RPS6KC1: variants seen among roughly 807,000 people sequenced by gnomAD.
The protein encoded by RPS6KC1 is inactive ribosomal protein S6 kinase delta-1.
In RPS6KC1, 54 loss-of-function variants were observed where a neutral mutation model predicts 103.8. The observed-to-expected ratio is 0.52, with a 90% CI of 0.42 to 0.65. The LOEUF (loss-of-function observed/expected upper bound fraction) is 0.65, where lower values mean the gene tolerates loss of function less well. Among genes scored for constraint, RPS6KC1 ranks in the 30% least tolerant of loss-of-function variants. RPS6KC1 has a pLI of 0.00. For synonymous variants in RPS6KC1, 439 were observed against 438.7 expected (o/e 1.00, Z -0.01); for missense variants, 1,151 against 1,253.8 (o/e 0.92, Z 1.24).
At chr1:213,053,834 G>T (rs113077155) in intron 1 of RPS6KC1, among the ~76,000 whole-genome samples, 1,587 of 151,076 alleles carry the variant, frequency 0.011, 31 homozygotes, top group African/African-American at 0.036. Flanking sequence ...ACCAAATTCA[G>T]AATTTTTTTT....
At chr1:213,290,144 C>CAAA in the RPS6KC1 span, among the ~76,000 whole-genome samples, 1,298 of 69,072 alleles carry the variant, frequency 0.019, 86 homozygotes, top group East Asian at 0.11. Context: ...GACTCCGTCT[C>CAAA]AAAAAAAAAA....
the RPS6KC1 span, among the ~76,000 whole-genome samples, chr1:213,311,936 C>G: frequency 2.8e-5 from 4 of 144,182 alleles, no homozygotes; most frequent in African/African-American, 1.0e-4. Flanking sequence ...CTTGCTCTGT[C>G]ACCCAGGCTG....
chr1:213,315,293 C>G, the RPS6KC1 span, among the ~76,000 whole-genome samples: 5 of 152,188 alleles, frequency 3.3e-5, no homozygotes, highest in Non-Finnish European at 7.3e-5. Context: ...GTTTCCCTTC[C>G]CTCTCTGTCC....
At chr1:213,158,098 GT>G (rs35438135) in intron 6 of RPS6KC1, among the ~76,000 whole-genome samples, 3 of 151,184 alleles carry the variant, frequency 2.0e-5, no homozygotes, top group African/African-American at 4.9e-5. Context: ...ATCCTGTATA[GT>G]TTTTTTTTAA....
At chr1:213,401,147 A>G in the RPS6KC1 span, among the ~76,000 whole-genome samples, 2 of 152,084 alleles carry the variant, frequency 1.3e-5, no homozygotes, top group Non-Finnish European at 2.9e-5. Flanking sequence ...CTTCTTGGCT[A>G]TCTTTTTTGG....
chr1:213,198,092 G>A (rs547650094), intron 8 of RPS6KC1, among the ~76,000 whole-genome samples: 1 of 152,136 alleles, frequency 6.6e-6, no homozygotes, highest in Admixed American at 6.5e-5. Flanking sequence ...GGTGTATTTC[G>A]ATGTTTTGTT....
At chr1:213,098,923 C>T (rs1488974837) in intron 3 of RPS6KC1, among the ~76,000 whole-genome samples, 6 of 152,054 alleles carry the variant, frequency 3.9e-5, no homozygotes, top group Non-Finnish European at 7.4e-5. Context: ...CACTGTAAAC[C>T]TCGGGAAAAA....
chr1:213,474,056 T>A, the RPS6KC1 span, among the ~76,000 whole-genome samples: 1 of 152,186 alleles, frequency 6.6e-6, no homozygotes, highest in Admixed American at 6.5e-5. Flanking sequence ...CCCAGCTGCT[T>A]CTCCAAAGCT....
chr1:213,186,576 C>T (rs2092541389), intron 8 of RPS6KC1, among the ~76,000 whole-genome samples: 1 of 152,038 alleles, frequency 6.6e-6, no homozygotes, highest in Non-Finnish European at 1.5e-5. Context: ...TGGGTTGAAC[C>T]TATTTTGTGT....
chr1:213,693,394 T>C, the RPS6KC1 span, among the ~76,000 whole-genome samples: 2 of 152,236 alleles, frequency 1.3e-5, no homozygotes, highest in Non-Finnish European at 2.9e-5. Context: ...CCATTTCTTG[T>C]CTGCCCACCC....
the RPS6KC1 span, among the ~76,000 whole-genome samples, chr1:213,473,216 A>G: frequency 1.3e-5 from 2 of 152,248 alleles, no homozygotes; most frequent in Non-Finnish European, 2.9e-5. Flanking sequence ...GCAAAAGCCA[A>G]CACCAATCAA....
At chr1:213,639,144 G>T in the RPS6KC1 span, among the ~76,000 whole-genome samples, 1 of 152,054 alleles carries the variant, frequency 6.6e-6, no homozygotes, top group Non-Finnish European at 1.5e-5. Flanking sequence ...GTTTCCAATT[G>T]TATGTTGTTA....
chr1:213,210,097 G>A (rs1341509605), intron 8 of RPS6KC1, among the ~76,000 whole-genome samples: 1 of 152,100 alleles, frequency 6.6e-6, no homozygotes, highest in Non-Finnish European at 1.5e-5. Context: ...TCTGTGACCT[G>A]TATGTTGTAC....
At chr1:213,193,261 CT>C (rs1413937052) in intron 8 of RPS6KC1, among the ~76,000 whole-genome samples, 1 of 151,864 alleles carries the variant, frequency 6.6e-6, no homozygotes, top group Non-Finnish European at 1.5e-5. Flanking sequence ...TTTTGATTTT[CT>C]TTTTTCTTTT....
the RPS6KC1 span, among the ~76,000 whole-genome samples, chr1:213,761,936 T>C: frequency 6.9e-6 from 1 of 143,908 alleles, no homozygotes; most frequent in East Asian, 1.9e-4. Flanking sequence ...TCTATTCAGA[T>C]ATATCTAGAT....
the RPS6KC1 span, among the ~76,000 whole-genome samples, chr1:213,688,267 T>C: frequency 6.6e-6 from 1 of 152,202 alleles, no homozygotes; most frequent in Non-Finnish European, 1.5e-5. Context: ...CAATTCAAGG[T>C]CACCTCTAGT....
intron 8 of RPS6KC1, among the ~76,000 whole-genome samples, chr1:213,221,680 T>A (rs1253682749): frequency 6.6e-6 from 1 of 152,228 alleles, no homozygotes; most frequent in Non-Finnish European, 1.5e-5. Flanking sequence ...ATAGAAGTAT[T>A]TATTTACCAG....
At chr1:213,132,779 T>C (rs2085791270) in intron 6 of RPS6KC1, among the ~76,000 whole-genome samples, 1 of 152,206 alleles carries the variant, frequency 6.6e-6, no homozygotes, top group Admixed American at 6.5e-5. Flanking sequence ...ATAAAATAAG[T>C]ATTTCTGGAT....
intron 4 of RPS6KC1, among the ~76,000 whole-genome samples, chr1:213,104,817 G>A (rs1558324472): frequency 6.6e-6 from 1 of 150,518 alleles, no homozygotes; most frequent in Non-Finnish European, 1.5e-5. Context: ...TGACAGGTGT[G>A]ATCATGGCGT....
Sources: allele counts gnomAD v4.1 joint callset (sites outside exome capture counted in the v4.1 genomes callset), GRCh38; gene constraint gnomAD v4.1.1; transcripts MANE v1.5; gene names NCBI Gene and HGNC (gene_info 2026-07-23, HGNC 2026-07-21).